The following MECR variants were observed in gnomAD, a reference collection of about 807,000 sequenced individuals.
MECR encodes the protein mitochondrial trans-2-enoyl-CoA reductase, also known as enoyl-[acyl-carrier-protein] reductase, mitochondrial.
In MECR, 37 loss-of-function variants were observed where a neutral mutation model predicts 49.1. The observed-to-expected ratio is 0.75, with a 90% confidence interval of 0.58 to 0.99. The LOEUF is 0.99. Ranked by LOEUF, MECR falls within the 50% of genes least tolerant of loss-of-function variation. MECR has a pLI of 0.00. For missense variants in MECR, 470 were observed against 479.6 expected (o/e 0.98, Z 0.19); for synonymous variants, 198 against 191.1 (o/e 1.04, Z -0.30).
rs1175272213 is a variant in MECR at position 29,203,195 on chromosome 1, C to A, written c.589G>T (p.Gly197Trp). 1.3e-6 allele frequency: 2 copies of A among 1,584,324 alleles called. No individual in the cohort carries two copies. Among genetic ancestry groups the A allele is most frequent in the East Asian group, 2.3e-5 (1 of 44,142 alleles). Residue 197 changes from glycine to tryptophan, a missense_variant, in exon 5 of 10, where the codon GGG becomes TGG. Gly to Trp is a radical substitution (Grantham distance 184, BLOSUM62 -2). Coordinates refer to ENST00000263702, the MANE Select transcript of MECR (RefSeq NM_016011.5). Reference protein sequence around the residue: ...VIQNASNSGVGQAVIQIAAAL... With the variant: ...VIQNASNSGVWQAVIQIAAAL... ...GCGGCGATCTGGATGACTGCTTGCC[C>A]CACTCCGCTGTTGGATGCATTCTGG...
intron 4 of MECR, 77 bp downstream of exon 4, chr1:29,206,685 C>T (rs1676660627): frequency 1.3e-6 from 2 of 1,548,028 alleles, no homozygotes; most frequent in South Asian, 2.4e-5. Context: ...GCAAGTTCTC[C>T]TGGCCTTGGG....
At chr1:29,168,079 G>A in the MECR span, among the ~76,000 whole-genome samples, 1 of 150,606 alleles carries the variant, frequency 6.6e-6, no homozygotes, top group African/African-American at 2.4e-5. Context: ...GCAGCGGCGC[G>A]ATCTCCACTC....
At chr1:29,191,320 T>A (rs570247075), downstream of MECR, among the ~76,000 whole-genome samples, 5 of 152,144 alleles carry the variant, frequency 3.3e-5, no homozygotes, top group Non-Finnish European at 5.9e-5. Context: ...ATTTTTTTTT[T>A]TGAGACAGAG....
At chr1:29,202,691 T>C (rs1242068904) in intron 5 of MECR, among the ~76,000 whole-genome samples, 1 of 152,184 alleles carries the variant, frequency 6.6e-6, no homozygotes, top group Non-Finnish European at 1.5e-5. Flanking sequence ...ATGACAAACC[T>C]GCCCCTGTCT....
intron 4 of MECR, 83 bp downstream of exon 4, chr1:29,206,679 G>A (rs1676656733): frequency 2.0e-6 from 3 of 1,517,826 alleles, no homozygotes. Context: ...CACCTTGCAA[G>A]TTCTCCTGGC....
downstream of MECR, among the ~76,000 whole-genome samples, chr1:29,191,635 GTTGGGGCTGATC>G (rs1442708354): frequency 6.6e-6 from 1 of 152,214 alleles, no homozygotes; most frequent in African/African-American, 2.4e-5. Context: ...CCAGGAAAGA[GTTGGGGCTGATC>G]TTGAGCCCAG....
chr1:29,194,215 G>T (rs750045171), intron 9 of MECR, 36 bp from the exon 10 acceptor site: 16 of 1,568,586 alleles, frequency 1.0e-5, no homozygotes, highest in Non-Finnish European at 1.3e-5. Flanking sequence ...CAAGAGAACA[G>T]CAGCTGGGGC....
chr1:29,212,948 G>A (rs763832655), intron 3 of MECR, among the ~76,000 whole-genome samples: 29 of 152,174 alleles, frequency 1.9e-4, no homozygotes, highest in Middle Eastern at 3.4e-3. Flanking sequence ...GTTCACACAC[G>A]CTGCACTCTG....
intron 7 of MECR, 70 bp from the exon 8 acceptor site, chr1:29,196,328 C>A: frequency 7.4e-7 from 1 of 1,345,090 alleles, no homozygotes; most frequent in Non-Finnish European, 1.0e-6. Context: ...CCTGCCATGG[C>A]GCTTCTACTC....
chr1:29,225,666 C>T (rs113165693), intron 1 of MECR, among the ~76,000 whole-genome samples: 77 of 152,286 alleles, frequency 5.1e-4, no homozygotes, highest in African/African-American at 1.8e-3. Flanking sequence ...TTCATGACCA[C>T]AATAAAGAGC....
the MECR span, chr1:29,168,399 T>C: frequency 6.6e-6 from 1 of 152,246 alleles, no homozygotes; most frequent in Admixed American, 6.5e-5. Flanking sequence ...ACTCAATAAA[T>C]GCTGCTGCTT....
At chr1:29,176,435 G>A in the MECR span, among the ~76,000 whole-genome samples, 4 of 150,512 alleles carry the variant, frequency 2.7e-5, no homozygotes, top group African/African-American at 9.8e-5. Flanking sequence ...ATACGGTAAC[G>A]ATGAATGACA....
At chr1:29,169,378 G>A in the MECR span, 1 of 152,176 alleles carries the variant, frequency 6.6e-6, no homozygotes, top group African/African-American at 2.4e-5. Context: ...CAGAAAATCA[G>A]TTTCATCAAA....
At chr1:29,206,956 T>C in intron 3 of MECR, 51 bp from the exon 4 acceptor site, 1 of 1,603,710 alleles carries the variant, frequency 6.2e-7, no homozygotes, top group Non-Finnish European at 8.5e-7. Context: ...CTGTGCACAT[T>C]CAACCCCAGC....
intron 3 of MECR, among the ~76,000 whole-genome samples, chr1:29,209,562 G>C (rs1677437765): frequency 6.6e-6 from 1 of 152,184 alleles, no homozygotes; most frequent in African/African-American, 2.4e-5. Flanking sequence ...CTGGGACTTT[G>C]GCAGTGGGGA....
intron 1 of MECR, among the ~76,000 whole-genome samples, chr1:29,225,799 G>A (rs1409625775): frequency 6.6e-6 from 1 of 152,160 alleles, no homozygotes; most frequent in Admixed American, 6.6e-5. Context: ...ATTCCTGAGA[G>A]TAAACAGTGC....
chr1:29,176,007 C>A, the MECR span, among the ~76,000 whole-genome samples: 1 of 152,034 alleles, frequency 6.6e-6, no homozygotes, highest in Non-Finnish European at 1.5e-5. Flanking sequence ...AATCCCAGCA[C>A]TTTGGGAGGC....
At chr1:29,218,710 A>G (rs1028632253) in intron 1 of MECR, among the ~76,000 whole-genome samples, 10 of 152,186 alleles carry the variant, frequency 6.6e-5, no homozygotes, top group African/African-American at 2.4e-4. Context: ...ATCTCTTCTA[A>G]AAATACAAAA....
chr1:29,230,866 G>A lies in MECR; in HGVS notation c.41C>T (p.Ala14Val), dbSNP rs764594390. The change falls in exon 1 of 10, where the codon GCC becomes GTC. Residue 14 changes from alanine (A) to valine (V), a missense_variant. By Grantham distance (64) the Ala-to-Val change is moderately conservative (BLOSUM62 0). Coordinates refer to ENST00000263702, the MANE Select transcript of MECR (RefSeq NM_016011.5). ...CSTLWRVRTP[A>V]RQWRGLLPAS... ...TGGGAGCAGCCCCCGCCACTGCCGG[G>A]CGGGGGTTCGCACCCGCCACAGGGT... The A allele has an allele frequency of 6.2e-6, 10 of 1,607,568 alleles. No individual in the cohort carries two copies. In the Admixed American group the frequency reaches 1.5e-4, roughly 24 times the overall value.
Sources: gnomAD v4.1 joint callset for allele counts (sites outside exome capture counted in the v4.1 genomes callset) on GRCh38, gnomAD v4.1.1 for gene constraint, MANE v1.5 for transcripts, NCBI Gene and HGNC (gene_info 2026-07-23, HGNC 2026-07-21) for gene names.